DAG1: variants seen among roughly 807,000 people sequenced by gnomAD.
The protein encoded by DAG1 is dystroglycan 1.
In DAG1, 8 loss-of-function variants were observed where a neutral mutation model predicts 46.1. The ratio of observed to expected loss-of-function variants is 0.17; its 90% CI spans 0.10 to 0.31. The LOEUF (loss-of-function observed/expected upper bound fraction) is 0.31. Among genes scored for constraint, DAG1 ranks in the 10% least tolerant of loss-of-function variants. The pLI is 1.00. For synonymous variants in DAG1, 495 were observed against 481.8 expected, an observed-to-expected ratio of 1.03 and a Z score of -0.36; for missense variants, 1,003 against 1,189.9, an observed-to-expected ratio of 0.84 and a Z score of 2.31.
chr3:49,495,542 C>G (rs1463864587), intron 1 of DAG1, among the ~76,000 whole-genome samples: 1 of 152,124 alleles, frequency 6.6e-6, no homozygotes, highest in Non-Finnish European at 1.5e-5. Flanking sequence ...TTCATTCCCA[C>G]TTGGATTCTG....
chr3:49,491,749 T>G (rs938958730), intron 1 of DAG1, among the ~76,000 whole-genome samples: 1 of 152,182 alleles, frequency 6.6e-6, no homozygotes, highest in African/African-American at 2.4e-5. Flanking sequence ...GTGCTAGGAT[T>G]ACAGGCGTGA....
chr3:49,477,291 C>T (rs2049707836), intron 1 of DAG1, among the ~76,000 whole-genome samples: 1 of 151,956 alleles, frequency 6.6e-6, no homozygotes, highest in African/African-American at 2.4e-5. Context: ...GCCACCGCTG[C>T]CCAGCTTATT....
At chr3:49,478,594 C>T (rs1270557213) in intron 1 of DAG1, among the ~76,000 whole-genome samples, 1 of 139,452 alleles carries the variant, frequency 7.2e-6, no homozygotes. Context: ...CCCACGCTGG[C>T]CTTGAACTGC....
chr3:49,521,387 G>T (rs1229752323), intron 2 of DAG1, among the ~76,000 whole-genome samples: 1 of 151,998 alleles, frequency 6.6e-6, no homozygotes, highest in African/African-American at 2.4e-5. Flanking sequence ...GGATGGTCTC[G>T]ATCTCCTGAC....
At chr3:49,486,185 C>CA (rs2050019183) in intron 1 of DAG1, among the ~76,000 whole-genome samples, 2 of 141,580 alleles carry the variant, frequency 1.4e-5, no homozygotes, top group African/African-American at 2.7e-5. Flanking sequence ...TTTTCTTTTT[C>CA]TTTTATTTAT....
chr3:49,493,148 G>A (rs1434667836), intron 1 of DAG1, among the ~76,000 whole-genome samples: 2 of 144,674 alleles, frequency 1.4e-5, no homozygotes, highest in African/African-American at 2.6e-5. Flanking sequence ...AGGCTCAAGC[G>A]ATCCTCCCAC....
intron 1 of DAG1, among the ~76,000 whole-genome samples, chr3:49,503,834 A>C (rs2050523351): frequency 6.6e-6 from 1 of 151,990 alleles, no homozygotes; most frequent in Admixed American, 6.6e-5. Context: ...TCTCAAAAAA[A>C]AAAAAAGAAA....
intron 1 of DAG1, among the ~76,000 whole-genome samples, chr3:49,472,086 C>G (rs970760143): frequency 3.3e-5 from 5 of 152,160 alleles, no homozygotes; most frequent in African/African-American, 1.2e-4. Flanking sequence ...GGAGTTCCAA[C>G]TTTGTATGCG....
chr3:49,485,976 A>G (rs1322885610), intron 1 of DAG1, among the ~76,000 whole-genome samples: 2 of 151,636 alleles, frequency 1.3e-5, no homozygotes. Flanking sequence ...TCTTGTTTTG[A>G]ATCCAAGCTT....
At chr3:49,478,527 GTTT>G (rs35150889) in intron 1 of DAG1, among the ~76,000 whole-genome samples, 1 of 85,076 alleles carries the variant, frequency 1.2e-5, no homozygotes, top group Admixed American at 1.8e-4. Context: ...GAGCCCAAGA[GTTT>G]TTTTTTTTTT....
intron 1 of DAG1, chr3:49,488,702 A>G (rs1426836431): frequency 6.6e-6 from 1 of 152,000 alleles, no homozygotes; most frequent in Admixed American, 6.6e-5. Context: ...TCCCAGGGTC[A>G]AGCGATTCCC....
chr3:49,503,827 CAAAAAA>C (rs57105506), intron 1 of DAG1, among the ~76,000 whole-genome samples: 2 of 130,844 alleles, frequency 1.5e-5, no homozygotes, highest in South Asian at 2.3e-4. Flanking sequence ...GACCCTGTCT[CAAAAAA>C]AAAAAAAGAA....
chr3:49,523,544 A>T (rs534117039), intron 2 of DAG1, among the ~76,000 whole-genome samples: 2 of 152,196 alleles, frequency 1.3e-5, no homozygotes, highest in Admixed American at 6.5e-5. Flanking sequence ...GTTTCTCTAT[A>T]TGATTTTGGC....
At chr3:49,479,635 T>C (rs1180430629) in intron 1 of DAG1, among the ~76,000 whole-genome samples, 7 of 116,080 alleles carry the variant, frequency 6.0e-5, no homozygotes, top group African/African-American at 1.7e-4. Context: ...TTTCTTTTTT[T>C]TTTTTTTTTT....
At chr3:49,480,451 A>G (rs1223790008) in intron 1 of DAG1, among the ~76,000 whole-genome samples, 1 of 148,316 alleles carries the variant, frequency 6.7e-6, no homozygotes, top group Non-Finnish European at 1.5e-5. Context: ...AATTTTTTGT[A>G]TTTTTTTAGT....
intron 1 of DAG1, among the ~76,000 whole-genome samples, chr3:49,495,019 ATCT>A (rs1370270565): frequency 6.6e-6 from 1 of 152,126 alleles, no homozygotes; most frequent in African/African-American, 2.4e-5. Flanking sequence ...GGTGCCAGGC[ATCT>A]ACTGGGAGAG....
In DAG1 at chr3:49,531,336, T is replaced by C; in HGVS notation, c.825T>C (p.His275=). Reference sequence around the variant, plus strand: ...ACCAGAACAGTGTGCCTGACATTCATGGTGTAGAGGCCCCTGCCAGGGAGG... The same window carrying C: ...ACCAGAACAGTGTGCCTGACATTCACGGTGTAGAGGCCCCTGCCAGGGAGG... ...SLNQNSVPDI[H]GVEAPAREGA... The change falls in exon 3 of 3, where the codon CAT becomes CAC. Residue 275 remains histidine (H), a synonymous_variant. Coordinates refer to ENST00000308775, the MANE Select transcript of DAG1 (RefSeq NM_004393.6). The surrounding 1 kb of genome is among the most constrained non-coding windows in gnomAD (Gnocchi z 7.0). 6.2e-7 allele frequency: 1 copy of C among 1,614,160 alleles called. No individual in the cohort carries two copies. The highest frequency in any genetic ancestry group is 2.2e-5 in the East Asian group (1 of 44,872).
intron 1 of DAG1, among the ~76,000 whole-genome samples, chr3:49,504,823 G>A (rs1170684970): frequency 7.3e-6 from 1 of 137,296 alleles, no homozygotes; most frequent in East Asian, 2.2e-4. Flanking sequence ...ATGTTAGCCA[G>A]GATGGCCTCG....
intron 1 of DAG1, among the ~76,000 whole-genome samples, chr3:49,504,297 G>A (rs1031539868): frequency 6.6e-6 from 1 of 151,754 alleles, no homozygotes; most frequent in African/African-American, 2.4e-5. Flanking sequence ...AGATTGCTTG[G>A]AAATTCATCC....
Sources: allele counts gnomAD v4.1 joint callset (sites outside exome capture counted in the v4.1 genomes callset), GRCh38; gene constraint gnomAD v4.1.1; non-coding constraint Gnocchi (gnomAD v3.1); transcripts MANE v1.5; gene names NCBI Gene and HGNC (gene_info 2026-07-23, HGNC 2026-07-21).